DCAF6: variants seen among roughly 807,000 people sequenced by gnomAD.
DCAF6 encodes the protein DDB1 and CUL4 associated factor 6.
A neutral mutation model predicts 125.1 loss-of-function variants in DCAF6; 54 were observed. The observed-to-expected ratio is 0.43, with a 90% CI of 0.35 to 0.54. The LOEUF is 0.54. Ranked by LOEUF, DCAF6 falls within the 20% of genes least tolerant of loss-of-function variation. The pLI is 0.01. For missense variants in DCAF6, 934 were observed against 1,161.7 expected (o/e 0.80, Z 2.85); for synonymous variants, 371 against 390.4 (o/e 0.95, Z 0.58).
intron 20 of DCAF6, 85 bp downstream of exon 20, chr1:168,066,550 T>G: frequency 1.1e-6 from 1 of 919,174 alleles, no homozygotes; most frequent in Non-Finnish European, 1.7e-6. Context: ...AGTTATTAGT[T>G]GCTAACATGA....
intron 3 of DCAF6, among the ~76,000 whole-genome samples, chr1:167,969,561 T>G (rs1012123881): frequency 6.6e-6 from 1 of 152,208 alleles, no homozygotes; most frequent in African/African-American, 2.4e-5. Flanking sequence ...AATAAATTGT[T>G]TATTTCTTGT....
intron 2 of DCAF6, among the ~76,000 whole-genome samples, chr1:167,958,666 A>T (rs868214859): frequency 1.3e-5 from 2 of 152,194 alleles, no homozygotes; most frequent in African/African-American, 2.4e-5. Context: ...TTTCATTGTA[A>T]AATATCAGAA....
intron 12 of DCAF6, among the ~76,000 whole-genome samples, chr1:168,032,961 G>C (rs532044450): frequency 9.2e-5 from 14 of 152,088 alleles, no homozygotes; most frequent in Middle Eastern, 3.4e-3. Context: ...TGGATATTTA[G>C]ATCTATACCA....
the DCAF6 span, among the ~76,000 whole-genome samples, chr1:167,865,810 G>T: frequency 6.6e-6 from 1 of 152,212 alleles, no homozygotes; most frequent in South Asian, 2.1e-4. Flanking sequence ...CACATGGCAG[G>T]CCAGAGGCCC....
At chr1:167,875,267 C>T in the DCAF6 span, 1 of 1,430,340 alleles carries the variant, frequency 7.0e-7, no homozygotes, top group Non-Finnish European at 9.8e-7. Context: ...TCTTAGTTCC[C>T]AGAAAGTTTC....
At chr1:167,884,011 G>A in the DCAF6 span, among the ~76,000 whole-genome samples, 1 of 152,158 alleles carries the variant, frequency 6.6e-6, no homozygotes, top group South Asian at 2.1e-4. Flanking sequence ...TGTGTTACAT[G>A]AGATATTTTG....
At chr1:167,886,706 T>G in the DCAF6 span, among the ~76,000 whole-genome samples, 38 of 152,188 alleles carry the variant, frequency 2.5e-4, no homozygotes, top group Admixed American at 5.2e-4. Flanking sequence ...CAGGATCCAA[T>G]TAAACTAAAG....
chr1:167,885,491 G>C, the DCAF6 span, among the ~76,000 whole-genome samples: 12 of 152,154 alleles, frequency 7.9e-5, no homozygotes, highest in African/African-American at 2.4e-4. Context: ...TTTAACTGGG[G>C]TAAGATGATA....
Position 168,004,065 on chromosome 1 carries a change from A to G in DCAF6, c.1117+76A>G. The G allele has an allele frequency of 2.0e-6, 3 of 1,506,114 alleles. No homozygotes were observed. In the South Asian group the frequency reaches 3.7e-5, roughly 19 times the overall value. The allele number at this position is 1,506,114 out of a possible 1,614,324, so 93.3% of individuals were successfully genotyped here. On this transcript the variant is annotated intron_variant, in intron 9 of 21. Coordinates refer to ENST00000367840, the MANE Select transcript of DCAF6 (RefSeq NM_001198956.2). ...ATTGAAGCCAGTTTTTATTTCTATC[A>G]TGTAAATTATACCATGTTTTACATC...
intron 10 of DCAF6, among the ~76,000 whole-genome samples, chr1:168,011,053 T>C (rs1450380061): frequency 6.6e-6 from 1 of 151,642 alleles, no homozygotes; most frequent in Non-Finnish European, 1.5e-5. Context: ...GAGAAGTGAA[T>C]CACTTAAAGC....
chr1:167,992,145 A>G (rs1367968416), intron 6 of DCAF6, among the ~76,000 whole-genome samples: 1 of 151,802 alleles, frequency 6.6e-6, no homozygotes, highest in African/African-American at 2.4e-5. Context: ...AATCTAATAT[A>G]AACTAATGCT....
intron 4 of DCAF6, among the ~76,000 whole-genome samples, chr1:167,980,881 A>G (rs1239831276): frequency 6.6e-6 from 1 of 150,746 alleles, no homozygotes; most frequent in East Asian, 1.9e-4. Context: ...AAATCATTGT[A>G]AAATCCAATG....
chr1:167,863,675 C>T, the DCAF6 span, among the ~76,000 whole-genome samples: 1 of 152,234 alleles, frequency 6.6e-6, no homozygotes, highest in Non-Finnish European at 1.5e-5. Flanking sequence ...CTGGGGACTC[C>T]AACCAGCCAG....
intron 12 of DCAF6, among the ~76,000 whole-genome samples, chr1:168,034,044 C>T (rs116625183): frequency 0.011 from 1,710 of 152,318 alleles, 29 homozygotes; most frequent in African/African-American, 0.037. Flanking sequence ...ATAATTTTGG[C>T]TACCAGAACT....
intron 10 of DCAF6, among the ~76,000 whole-genome samples, chr1:168,015,108 T>C (rs997591527): frequency 6.6e-6 from 1 of 152,220 alleles, no homozygotes; most frequent in African/African-American, 2.4e-5. Context: ...CCTAAAACAA[T>C]GCCTCATACA....
chr1:167,912,014 A>G, the DCAF6 span, among the ~76,000 whole-genome samples: 1 of 152,246 alleles, frequency 6.6e-6, no homozygotes. Context: ...TCTTATGAAC[A>G]CCCATAAAAG....
At chr1:167,912,039 CT>C in the DCAF6 span, among the ~76,000 whole-genome samples, 1 of 152,162 alleles carries the variant, frequency 6.6e-6, no homozygotes, top group Non-Finnish European at 1.5e-5. Flanking sequence ...TAGAAATTTT[CT>C]ATTTTTGAAG....
In DCAF6 at chr1:167,985,207, GTGTGGTGT is replaced by G. The variant is rs1213425731; in HGVS notation, c.439-2287_439-2280del. Among the ~76,000 whole-genome samples, 4 of 147,062 alleles carry G rather than the reference GTGTGGTGT, an allele frequency of 2.7e-5. No individual in the cohort carries two copies. In the East Asian group the frequency reaches 7.8e-4, roughly 29 times the overall value. On this transcript the variant is annotated intron_variant, in intron 4 of 21. Coordinates refer to ENST00000367840, the MANE Select transcript of DCAF6 (RefSeq NM_001198956.2). ...GTCGTGTGTGTGTGTGTGTGTGTGT[GTGTGGTGT>G]GTGTGTGTGTGGTGTGTGTGTGCGT...
At chr1:168,049,667 T>C (rs2101840645) in intron 16 of DCAF6, among the ~76,000 whole-genome samples, 1 of 138,304 alleles carries the variant, frequency 7.2e-6, no homozygotes, top group East Asian at 2.0e-4. Context: ...TTTTTTTTTT[T>C]TTTTTGGAGA....
Sources: gnomAD v4.1 joint callset for allele counts (sites outside exome capture counted in the v4.1 genomes callset) on GRCh38, gnomAD v4.1.1 for gene constraint, MANE v1.5 for transcripts, NCBI Gene and HGNC (gene_info 2026-07-23, HGNC 2026-07-21) for gene names.